Variants in CACNA1E observed in about 807,000 individuals in gnomAD.
CACNA1E encodes the protein voltage-dependent R-type calcium channel subunit alpha-1E.
Under a neutral mutation model 259.2 loss-of-function variants are expected in CACNA1E, and 40 were observed. That is an observed-to-expected ratio of 0.15 (90% CI 0.12 to 0.20). The LOEUF is 0.20. Among genes scored for constraint, CACNA1E ranks in the 10% least tolerant of loss-of-function variants. The pLI, the probability that CACNA1E is intolerant of heterozygous loss-of-function variation, is 1.00. For synonymous variants in CACNA1E, 1,104 were observed against 1,138.5 expected (o/e 0.97, Z 0.61); for missense variants, 1,874 against 3,040.1 (o/e 0.62, Z 9.02).
intron 42 of CACNA1E, 105 bp downstream of exon 42, chr1:181,785,523 C>T (rs1660779573): frequency 1.1e-6 from 1 of 919,126 alleles, no homozygotes; most frequent in East Asian, 2.5e-5. Flanking sequence ...GACTTAGAAG[C>T]AGCAGTAATG....
intron 3 of CACNA1E, among the ~76,000 whole-genome samples, chr1:181,567,310 C>A (rs1286400941): frequency 6.6e-6 from 1 of 152,190 alleles, no homozygotes; most frequent in Non-Finnish European, 1.5e-5. Context: ...CTCTACTCCC[C>A]TTCTCATCCT....
chr1:181,575,146 A>G (rs764183688), intron 3 of CACNA1E, among the ~76,000 whole-genome samples: 5 of 152,168 alleles, frequency 3.3e-5, no homozygotes, highest in Non-Finnish European at 7.3e-5. Flanking sequence ...CCAGTGGCCA[A>G]TGTGCATCAA....
At chr1:181,693,128 CAAAAAAAAAAAAAAAAAA>C (rs61662957) in intron 7 of CACNA1E, among the ~76,000 whole-genome samples, 2 of 97,836 alleles carry the variant, frequency 2.0e-5, no homozygotes, top group East Asian at 3.3e-4. Flanking sequence ...CTATCTAAAG[CAAAAAAAAAAAAAAAAAA>C]AAAACAACAG....
intron 1 of CACNA1E, among the ~76,000 whole-genome samples, chr1:181,349,587 C>G (rs551128193): frequency 5.9e-5 from 9 of 152,192 alleles, no homozygotes; most frequent in African/African-American, 2.2e-4. Context: ...GTGAGGGCTG[C>G]CAGGGTGGGA....
At chr1:181,392,784 G>T (rs1269378092) in intron 1 of CACNA1E, among the ~76,000 whole-genome samples, 1 of 152,202 alleles carries the variant, frequency 6.6e-6, no homozygotes, top group Non-Finnish European at 1.5e-5. Flanking sequence ...AAGGGAGGCT[G>T]CCCCTAATTA....
intron 2 of CACNA1E, among the ~76,000 whole-genome samples, chr1:181,452,734 T>A (rs930046037): frequency 6.6e-6 from 1 of 152,252 alleles, no homozygotes; most frequent in Non-Finnish European, 1.5e-5. Context: ...ATTCCTGTGC[T>A]TAACCACATA....
chr1:181,783,650 CTGCTGT>C, intron 39 of CACNA1E, 23 bp from the exon 40 acceptor site: 1 of 1,220,300 alleles, frequency 8.2e-7, no homozygotes, highest in Middle Eastern at 2.0e-4. Flanking sequence ...TTTTTTTTGC[CTGCTGT>C]TTCTTTTTTC....
chr1:181,337,010 T>G (rs1007471328), intron 1 of CACNA1E, among the ~76,000 whole-genome samples: 1 of 147,034 alleles, frequency 6.8e-6, no homozygotes, highest in African/African-American at 2.5e-5. Context: ...TATTTTAATT[T>G]TCTTTATATC....
intron 3 of CACNA1E, among the ~76,000 whole-genome samples, chr1:181,551,599 C>A (rs1026478797): frequency 2.6e-5 from 4 of 152,166 alleles, no homozygotes; most frequent in Non-Finnish European, 4.4e-5. Context: ...AGCTCCACAG[C>A]AACCTTGGTG....
chr1:181,763,753 A>G (rs768271339), intron 34 of CACNA1E, among the ~76,000 whole-genome samples: 7 of 152,172 alleles, frequency 4.6e-5, no homozygotes, highest in Non-Finnish European at 1.0e-4. Flanking sequence ...TATTTTAGAA[A>G]AACACCTTGA....
intron 2 of CACNA1E, among the ~76,000 whole-genome samples, chr1:181,436,622 C>G (rs1459372227): frequency 6.6e-6 from 1 of 152,148 alleles, no homozygotes; most frequent in Admixed American, 6.5e-5. Context: ...ATGCCAATAT[C>G]ATATGAGCTC....
intron 1 of CACNA1E, among the ~76,000 whole-genome samples, chr1:181,495,152 TTG>T (rs1353379221): frequency 6.6e-6 from 1 of 152,222 alleles, no homozygotes; most frequent in Non-Finnish European, 1.5e-5. Flanking sequence ...AATAAAAGTG[TTG>T]TGTCCTAGAT....
intron 2 of CACNA1E, among the ~76,000 whole-genome samples, chr1:181,475,094 A>C (rs2102426681): frequency 6.6e-6 from 1 of 152,340 alleles, no homozygotes; most frequent in East Asian, 1.9e-4. Context: ...CTCCTCAGAC[A>C]GGGCCCAGAT....
At chr1:181,739,701 T>C (rs1014958129) in intron 25 of CACNA1E, among the ~76,000 whole-genome samples, 1 of 152,180 alleles carries the variant, frequency 6.6e-6, no homozygotes, top group Non-Finnish European at 1.5e-5. Flanking sequence ...TGGTGAGGTT[T>C]TCTATTCATA....
At chr1:181,331,195 CAG>C (rs1204875635) in intron 1 of CACNA1E, among the ~76,000 whole-genome samples, 1 of 151,942 alleles carries the variant, frequency 6.6e-6, no homozygotes, top group East Asian at 1.9e-4. Flanking sequence ...TAGGGTTCCC[CAG>C]AGAGAGAATC....
At chr1:181,559,602 G>GT (rs1379987390) in intron 3 of CACNA1E, among the ~76,000 whole-genome samples, 1 of 152,206 alleles carries the variant, frequency 6.6e-6, no homozygotes, top group Non-Finnish European at 1.5e-5. Flanking sequence ...ACACTACAGA[G>GT]TTATTATAAA....
At chr1:181,536,096 G>A (rs1226073223) in intron 3 of CACNA1E, among the ~76,000 whole-genome samples, 1 of 152,082 alleles carries the variant, frequency 6.6e-6, no homozygotes, top group Non-Finnish European at 1.5e-5. Context: ...TGTCTTATAT[G>A]ATGGTTTCTA....
intron 7 of CACNA1E, among the ~76,000 whole-genome samples, chr1:181,692,085 C>A (rs1183070789): frequency 6.6e-6 from 1 of 151,942 alleles, no homozygotes; most frequent in Admixed American, 6.6e-5. Context: ...AAAATAAATA[C>A]CTAGCAATAC....
intron 6 of CACNA1E, among the ~76,000 whole-genome samples, chr1:181,606,003 C>G (rs1654202928): frequency 6.6e-6 from 1 of 152,112 alleles, no homozygotes; most frequent in African/African-American, 2.4e-5. Flanking sequence ...TGCTTTCTCT[C>G]TCTTTAAAAT....
Sources: allele counts gnomAD v4.1 joint callset (sites outside exome capture counted in the v4.1 genomes callset), GRCh38; gene constraint gnomAD v4.1.1; transcripts MANE v1.5; gene names NCBI Gene and HGNC (gene_info 2026-07-23, HGNC 2026-07-21).